Variants in TOM1L2 observed in about 807,000 individuals in gnomAD.
TOM1L2 encodes TOM1-like protein 2.
A neutral mutation model predicts 67.9 loss-of-function variants in TOM1L2; 31 were observed. The ratio of observed to expected loss-of-function variants is 0.46; its 90% CI spans 0.34 to 0.62. TOM1L2 has a LOEUF of 0.62. Ranked by LOEUF, TOM1L2 falls within the 20% of genes least tolerant of loss-of-function variation. The pLI is 0.01. For missense variants in TOM1L2, 606 were observed against 663.5 expected, an observed-to-expected ratio of 0.91 and a Z score of 0.95; for synonymous variants, 256 against 254.0, an observed-to-expected ratio of 1.01 and a Z score of -0.07.
At chr17:17,960,806 C>T (rs1444490950) in intron 1 of TOM1L2, among the ~76,000 whole-genome samples, 3 of 152,190 alleles carry the variant, frequency 2.0e-5, no homozygotes, top group Non-Finnish European at 2.9e-5. Flanking sequence ...CTACATAACC[C>T]AGTACCTAGT....
At position 17,893,857 on chromosome 17, in the gene TOM1L2, G is replaced by A. The variant is rs772301870; in HGVS notation, c.217-47C>T. The A allele has an allele frequency of 1.9e-6, 3 of 1,589,374 alleles. No homozygotes were observed. In the South Asian group the frequency reaches 3.4e-5, roughly 18 times the overall value. ...AAGGGTCACCCCAGTGGGAGCTGGAGAAGACACTGGGAACTGAGGAGCGCA... is the reference window on the plus strand; with the variant it reads ...AAGGGTCACCCCAGTGGGAGCTGGAAAAGACACTGGGAACTGAGGAGCGCA... On this transcript the variant is annotated intron_variant, in intron 3 of 14. Transcript: ENST00000379504.
chr17:17,869,343 T>A lies in TOM1L2; in HGVS notation c.908A>T (p.Glu303Val). 2 of 1,606,314 alleles carry A rather than the reference T, an allele frequency of 1.2e-6. No homozygotes were observed. The highest frequency in any genetic ancestry group is 1.7e-6 in the Non-Finnish European group (2 of 1,177,528). Residue 303 changes from glutamate (E) to valine (V), a missense_variant, in exon 8 of 15, where the codon GAG becomes GTG. Coordinates refer to ENST00000379504, the MANE Select transcript of TOM1L2 (RefSeq NM_001082968.2). The stretch of plus-strand genomic sequence containing the variant: ...AAAAAAGAAATCCGGCTCCCACCTC[T>A]CGTATCGAAGGAAGACGTTGTTGAG... ...DDLNNVFLRY[E>V]RFERYRSGRS... is the part of the protein sequence containing the mutation.
chr17:17,950,379 G>A (rs533344889), intron 1 of TOM1L2, among the ~76,000 whole-genome samples: 6 of 151,374 alleles, frequency 4.0e-5, no homozygotes, highest in South Asian at 2.1e-4. Flanking sequence ...CGCTTGTCTC[G>A]AACTCCTGAC....
intron 1 of TOM1L2, among the ~76,000 whole-genome samples, chr17:17,913,442 C>T (rs1353201691): frequency 6.6e-6 from 1 of 151,888 alleles, no homozygotes; most frequent in African/African-American, 2.4e-5. Flanking sequence ...CAGGCCAGGG[C>T]CGGCACCTGG....
intron 4 of TOM1L2, among the ~76,000 whole-genome samples, chr17:17,887,455 G>A (rs2038056310): frequency 6.6e-6 from 1 of 152,148 alleles, no homozygotes; most frequent in Non-Finnish European, 1.5e-5. Context: ...GAGATGCCAT[G>A]TGTCCCTAGC....
chr17:17,901,267 G>A (rs528376139), intron 2 of TOM1L2, among the ~76,000 whole-genome samples: 4 of 152,346 alleles, frequency 2.6e-5, no homozygotes, highest in Non-Finnish European at 5.9e-5. Flanking sequence ...TAGATAGTGT[G>A]GAGTTGGAAA....
At chr17:17,903,561 C>T (rs943694161) in intron 2 of TOM1L2, among the ~76,000 whole-genome samples, 3 of 148,688 alleles carry the variant, frequency 2.0e-5, no homozygotes, top group Admixed American at 6.8e-5. Flanking sequence ...TGCAGTGAGC[C>T]GAGATCGCGC....
At chr17:17,953,164 C>G (rs777071178) in intron 1 of TOM1L2, among the ~76,000 whole-genome samples, 1 of 152,122 alleles carries the variant, frequency 6.6e-6, no homozygotes, top group Non-Finnish European at 1.5e-5. Context: ...CCTGTAATCC[C>G]AGCTACTTAG....
At chr17:17,848,017 C>A (rs962925332) in intron 14 of TOM1L2, among the ~76,000 whole-genome samples, 1 of 151,994 alleles carries the variant, frequency 6.6e-6, no homozygotes, top group African/African-American at 2.4e-5. Context: ...AGTGCTCACC[C>A]TACCGCTGAC....
At chr17:17,942,023 C>CTTT (rs2040755127) in intron 1 of TOM1L2, among the ~76,000 whole-genome samples, 1 of 152,188 alleles carries the variant, frequency 6.6e-6, no homozygotes, top group African/African-American at 2.4e-5. Flanking sequence ...TGTGCATGAA[C>CTTT]TTTTTATTTG....
At chr17:17,856,031 T>C (rs2036235232) in intron 12 of TOM1L2, among the ~76,000 whole-genome samples, 1 of 151,556 alleles carries the variant, frequency 6.6e-6, no homozygotes, top group Admixed American at 6.6e-5. Flanking sequence ...GGTTTGTTTC[T>C]GGGAAGTTAG....
rs2038706696 is a variant in TOM1L2 at position 17,898,787 on chromosome 17, G to A, written c.138-113C>T. ...ACTATTTGCTGGCTGCAGCATGTTT[G>A]TAAATGTAAAAGACTGGGAACAAAC... On this transcript the variant is annotated intron_variant, in intron 2 of 14. Coordinates refer to ENST00000379504, the MANE Select transcript of TOM1L2 (RefSeq NM_001082968.2). 3 of 1,024,272 alleles carry A rather than the reference G, an allele frequency of 2.9e-6. No homozygotes were observed. The Admixed American group carries it at 6.0e-5, about 20-fold the overall frequency. The allele number at this position is 1,024,272 out of a possible 1,614,324, so 63.4% of individuals were successfully genotyped here.
At chr17:17,868,849 C>A (rs535990257) in intron 8 of TOM1L2, 9 of 157,512 alleles carry the variant, frequency 5.7e-5, no homozygotes, top group Non-Finnish European at 1.4e-5. Flanking sequence ...CGCCTGCTTC[C>A]CCTGAATGCT....
intron 1 of TOM1L2, among the ~76,000 whole-genome samples, chr17:17,908,137 T>C (rs1429222442): frequency 6.6e-6 from 1 of 152,206 alleles, no homozygotes; most frequent in Non-Finnish European, 1.5e-5. Flanking sequence ...GTAGGTGTGG[T>C]GTTGGGTGTT....
At chr17:17,967,574 T>G (rs975391291) in intron 1 of TOM1L2, among the ~76,000 whole-genome samples, 3 of 152,194 alleles carry the variant, frequency 2.0e-5, no homozygotes, top group Non-Finnish European at 4.4e-5. Flanking sequence ...ACCACACTTC[T>G]TAGCCTCGCA....
At chr17:17,922,316 G>A (rs567421895) in intron 1 of TOM1L2, among the ~76,000 whole-genome samples, 7 of 152,336 alleles carry the variant, frequency 4.6e-5, no homozygotes, top group Admixed American at 3.3e-4. Flanking sequence ...GTGAAGGGGA[G>A]CGGTGAGAGG....
rs539257882 is a variant in TOM1L2, at chr17:17,879,666, G to A, written c.738C>T (p.Val246=). ...KVMSEMLTEM[V]PGQEDSSDLE... ...GATCAGATGAATCCTCCTGTCCAGGGACCATTTCTGTTAACATCTCAGACA... is the reference window on the plus strand; with the variant it reads ...GATCAGATGAATCCTCCTGTCCAGGAACCATTTCTGTTAACATCTCAGACA... The change falls in exon 7 of 15, where the codon GTC becomes GTT. Residue 246 remains valine, a synonymous_variant. Transcript: ENST00000379504. The A allele has an allele frequency of 1.9e-6, 3 of 1,614,178 alleles. No homozygotes were observed. The South Asian group carries it at 3.3e-5, about 18-fold the overall frequency.
At chr17:17,950,096 C>T (rs1322735092) in intron 1 of TOM1L2, among the ~76,000 whole-genome samples, 2 of 152,018 alleles carry the variant, frequency 1.3e-5, no homozygotes, top group African/African-American at 2.4e-5. Flanking sequence ...CTCCTGACCT[C>T]GTGATCTGCC....
intron 1 of TOM1L2, among the ~76,000 whole-genome samples, chr17:17,916,225 C>G (rs1018752564): frequency 6.6e-6 from 1 of 152,092 alleles, no homozygotes; most frequent in Non-Finnish European, 1.5e-5. Context: ...AGGCGCCCAC[C>G]ACTATGCCAG....
Sources: gnomAD v4.1 joint callset for allele counts (sites outside exome capture counted in the v4.1 genomes callset) on GRCh38, gnomAD v4.1.1 for gene constraint, MANE v1.5 for transcripts, NCBI Gene and HGNC (gene_info 2026-07-23, HGNC 2026-07-21) for gene names.